Variants in SELP observed in about 807,000 individuals in gnomAD.
SELP encodes the protein P-selectin.
Under a neutral mutation model 104.1 loss-of-function variants are expected in SELP, and 92 were observed. That is an observed-to-expected ratio of 0.88 (90% CI 0.75 to 1.05). The LOEUF is 1.05. SELP is among the 50% of genes least tolerant of loss of function. SELP has a pLI of 0.00. For synonymous variants in SELP, 397 were observed against 364.5 expected (o/e 1.09, Z -1.01); for missense variants, 1,022 against 1,017.3 (o/e 1.00, Z -0.06).
intron 1 of SELP, among the ~76,000 whole-genome samples, chr1:169,621,892 C>T (rs1663153792): frequency 6.6e-6 from 1 of 152,202 alleles, no homozygotes; most frequent in African/African-American, 2.4e-5. Flanking sequence ...ACAAGCTGTT[C>T]TTCCTATCAC....
In SELP at chr1:169,596,134, C is replaced by A. The variant is rs3917812; in HGVS notation, c.1892G>T (p.Gly631Val). Residue 631 changes from glycine (G) to valine (V), a missense_variant and splice_region_variant, in exon 12 of 17, where the codon GGC (glycine) becomes GTC (valine). Gly to Val is a moderately radical substitution (Grantham distance 109). Coordinates refer to ENST00000263686, the MANE Select transcript of SELP (RefSeq NM_003005.4). ...CCCTGGAGTAGGAAGTGATGCTATG[C>A]CTGTTGTGAGAAAATGTTTCCATTC... ...RWSATPPTCK[G>V]IASLPTPGVQ... is the part of the protein sequence containing the mutation. The A allele has an allele frequency of 3.7e-4, 600 of 1,613,120 alleles. 3 individuals are homozygous for A. In the African/African-American group the frequency reaches 7.3e-3, roughly 20 times the overall value.
intron 3 of SELP, among the ~76,000 whole-genome samples, chr1:169,616,226 G>T (rs1324802032): frequency 2.0e-5 from 3 of 152,128 alleles, no homozygotes; most frequent in Non-Finnish European, 2.9e-5. Context: ...AAGTTCAATG[G>T]ATCTAAAGAT....
chr1:169,621,051 C>T (rs986907239), intron 1 of SELP, among the ~76,000 whole-genome samples: 1 of 136,152 alleles, frequency 7.3e-6, no homozygotes, highest in Non-Finnish European at 1.5e-5. Flanking sequence ...GTGTGTCATG[C>T]CACAGTGACG....
chr1:169,602,966 G>A lies in SELP; in HGVS notation c.1705+60C>T, dbSNP rs867092002. ...GAACACTTTTATATAAATCCCTGAT[G>A]ATTCTCCATTCTCTGATGTCATCTT... On this transcript the variant is annotated intron_variant, in intron 10 of 16. Coordinates refer to ENST00000263686, the MANE Select transcript of SELP (RefSeq NM_003005.4). 1.0e-5 allele frequency: 14 copies of A among 1,397,086 alleles called. No homozygotes were observed. In the South Asian group the frequency reaches 1.8e-4, roughly 17 times the overall value. The allele number at this position is 1,397,086 out of a possible 1,614,324, so 86.5% of individuals were successfully genotyped here. A position where few individuals can be genotyped will look rare whatever the true frequency, so the allele number is the denominator to read the frequency against.
chr1:169,610,935 G>A (rs151030104), intron 7 of SELP, among the ~76,000 whole-genome samples: 26 of 152,256 alleles, frequency 1.7e-4, no homozygotes, highest in Non-Finnish European at 3.2e-4. Context: ...TAGCAGGGTT[G>A]GGCTTGTCAT....
At chr1:169,619,255 A>G (rs781153011) in intron 1 of SELP, 36 bp from the exon 2 acceptor site, 1 of 1,479,362 alleles carries the variant, frequency 6.8e-7, no homozygotes, top group South Asian at 1.1e-5. Context: ...TTTAGTATCC[A>G]TACACCACCA....
At chr1:169,605,345 C>T (rs189566087) in intron 9 of SELP, among the ~76,000 whole-genome samples, 304 of 152,302 alleles carry the variant, frequency 2.0e-3, no homozygotes, top group Middle Eastern at 0.01. Flanking sequence ...AACCCTAAGT[C>T]CAGGGGCTTG....
At chr1:169,617,574 G>C (rs1662885278) in intron 2 of SELP, among the ~76,000 whole-genome samples, 160 bp from the exon 3 acceptor site, 1 of 152,174 alleles carries the variant, frequency 6.6e-6, no homozygotes, top group South Asian at 2.1e-4. Flanking sequence ...GAAGGAAAAA[G>C]AGTGGTTTCC....
chr1:169,621,739 T>C (rs1274551726), intron 1 of SELP, among the ~76,000 whole-genome samples: 2 of 152,230 alleles, frequency 1.3e-5, no homozygotes, highest in African/African-American at 4.8e-5. Context: ...TATAAGCTGC[T>C]GATCTCTGCA....
chr1:169,593,555 CT>C (rs1361933722), intron 14 of SELP, 49 bp downstream of exon 14: 1 of 1,548,900 alleles, frequency 6.5e-7, no homozygotes, highest in Non-Finnish European at 8.8e-7. Context: ...AAATCAATTT[CT>C]TTTGATTTAT....
chr1:169,607,850 C>T (rs1158523981), intron 8 of SELP, among the ~76,000 whole-genome samples: 1 of 152,100 alleles, frequency 6.6e-6, no homozygotes, highest in Non-Finnish European at 1.5e-5. Context: ...TAAGGCTTTG[C>T]GTCACATGCA....
intron 1 of SELP, among the ~76,000 whole-genome samples, chr1:169,620,473 C>T (rs1471945636): frequency 6.6e-6 from 1 of 151,402 alleles, no homozygotes; most frequent in East Asian, 1.9e-4. Flanking sequence ...TGCGACATGA[C>T]CAAGCCTAGC....
chr1:169,613,495 C>T lies in SELP; in HGVS notation c.589+91G>A. On this transcript the variant is annotated intron_variant, in intron 4 of 16. Transcript: ENST00000263686. ...AGAGGGGGGCTGGTACCATCCTATT[C>T]TCACTGGAGAGACTTCAACATGATT... The T allele has an allele frequency of 3.1e-6, 3 of 971,668 alleles. No homozygotes were observed. The South Asian group carries it at 4.1e-5, about 13-fold the overall frequency. The allele number at this position is 971,668 out of a possible 1,614,324, so 60.2% of individuals were successfully genotyped here.
chr1:169,600,919 G>A (rs1661878159), intron 10 of SELP, among the ~76,000 whole-genome samples: 1 of 152,204 alleles, frequency 6.6e-6, no homozygotes, highest in African/African-American at 2.4e-5. Flanking sequence ...TCAGGGTTGG[G>A]TCTTGACAGT....
Position 169,597,176 on chromosome 1 carries a change from G to T in SELP, c.1706C>A (p.Ala569Asp). The change falls in exon 11 of 17, where the codon GCC (alanine) becomes GAC (aspartate). Residue 569 changes from alanine to aspartate, a missense_variant and splice_region_variant. Transcript: ENST00000263686. ...GGCAAAGAGTTCTGGGCACTTGATG[G>T]CTAGAGTATCAAATTAAGAGTGTCA... is the stretch of plus-strand genomic sequence containing the variant. ...RWTDSPPMCEAIKCPELFAPE... is the reference protein window; with the variant it reads ...RWTDSPPMCEDIKCPELFAPE... 1.3e-6 allele frequency: 2 copies of T among 1,583,060 alleles called. No homozygotes were observed. The highest frequency in any genetic ancestry group is 1.7e-6 in the Non-Finnish European group (2 of 1,163,016).
chr1:169,612,551 G>T (rs926795803), intron 5 of SELP, 149 bp from the exon 6 acceptor site: 20 of 692,482 alleles, frequency 2.9e-5, no homozygotes, highest in Admixed American at 5.7e-5. Context: ...TTCAATAGCT[G>T]CTTGGAAAGA....
rs1264970464 is a variant in SELP, at chr1:169,617,266, C to T, written c.243G>A (p.Lys81=). Residue 81 remains lysine, a synonymous_variant, in exon 3 of 17, where the codon AAG becomes AAA. Coordinates refer to ENST00000263686, the MANE Select transcript of SELP (RefSeq NM_003005.4). ...QNKNEIDYLN[K]VLPYYSSYYW... ...AGTAGGAGCTGTAGTAGGGTAGGAC[C>T]TTATTGAGGTAATCAATTTCATTTT... 1 of 1,614,076 alleles carries T rather than the reference C, an allele frequency of 6.2e-7. No individual in the cohort carries two copies. The highest frequency in any genetic ancestry group is 1.1e-5 in the South Asian group (1 of 91,086).
intron 2 of SELP, among the ~76,000 whole-genome samples, chr1:169,617,644 C>T (rs1435336185): frequency 6.6e-6 from 1 of 152,060 alleles, no homozygotes; most frequent in East Asian, 1.9e-4. Flanking sequence ...TCTGAGGATC[C>T]TTGATGTTAA....
At chr1:169,593,215 A>G (rs1274391397) in intron 14 of SELP, among the ~76,000 whole-genome samples, 2 of 152,212 alleles carry the variant, frequency 1.3e-5, no homozygotes, top group Non-Finnish European at 2.9e-5. Context: ...TGACTGCTAC[A>G]TGAAGAAATG....
Sources: allele counts gnomAD v4.1 joint callset (sites outside exome capture counted in the v4.1 genomes callset), GRCh38; gene constraint gnomAD v4.1.1; transcripts MANE v1.5; gene names NCBI Gene and HGNC (gene_info 2026-07-23, HGNC 2026-07-21).